The following PIEZO2 variants were observed in gnomAD, a reference collection of about 807,000 sequenced individuals.
PIEZO2 encodes piezo-type mechanosensitive ion channel component 2.
Under a neutral mutation model 337.3 loss-of-function variants are expected in PIEZO2, and 172 were observed. The observed-to-expected ratio is 0.51, with a 90% CI of 0.45 to 0.58. The LOEUF (loss-of-function observed/expected upper bound fraction) is 0.58. PIEZO2 is among the 20% of genes least tolerant of loss of function. The probability of loss-of-function intolerance (pLI) is 0.00; values close to 1 mark genes in which losing one functional copy is unlikely to be tolerated. For missense variants in PIEZO2, 3,028 were observed against 3,391.3 expected (o/e 0.89, Z 2.66); for synonymous variants, 1,251 against 1,228.5 (o/e 1.02, Z -0.38).
intron 1 of PIEZO2, among the ~76,000 whole-genome samples, chr18:11,145,360 GA>G (rs34507840): frequency 3.0e-4 from 45 of 151,746 alleles, no homozygotes; most frequent in African/African-American, 5.1e-4. Context: ...TACGGAAAAA[GA>G]AAAAAAATCT....
intron 1 of PIEZO2, among the ~76,000 whole-genome samples, chr18:11,137,562 T>C (rs773108973): frequency 7.9e-5 from 12 of 152,184 alleles, no homozygotes; most frequent in Admixed American, 2.0e-4. Context: ...CGTTAGACCT[T>C]CAAACCTGGG....
chr18:10,825,975 T>A (rs2040664893), intron 7 of PIEZO2, among the ~76,000 whole-genome samples: 1 of 152,212 alleles, frequency 6.6e-6, no homozygotes, highest in Admixed American at 6.5e-5. Context: ...TATCTCCCAT[T>A]TATTCATTCA....
At chr18:10,826,084 TCTTTGACCACTACC>T (rs2040668919) in intron 7 of PIEZO2, among the ~76,000 whole-genome samples, 1 of 152,172 alleles carries the variant, frequency 6.6e-6, no homozygotes, top group Non-Finnish European at 1.5e-5. Context: ...AATTATTCCA[TCTTTGACCACTACC>T]CTGACCTAAC....
intron 49 of PIEZO2, among the ~76,000 whole-genome samples, chr18:10,683,956 G>A (rs927667642): frequency 2.0e-5 from 3 of 151,978 alleles, no homozygotes; most frequent in African/African-American, 4.8e-5. Flanking sequence ...CTTTCCAGGG[G>A]ACAACAGGGG....
intron 2 of PIEZO2, among the ~76,000 whole-genome samples, chr18:11,039,422 C>T (rs999544885): frequency 3.3e-5 from 5 of 152,172 alleles, no homozygotes; most frequent in Admixed American, 2.6e-4. Context: ...CTTAAACTAG[C>T]CTGCTTTGGC....
intron 3 of PIEZO2, among the ~76,000 whole-genome samples, chr18:10,972,172 CAAAA>C (rs71169963): frequency 4.4e-5 from 4 of 90,472 alleles, no homozygotes; most frequent in Non-Finnish European, 2.2e-5. Context: ...GACTCCGCCT[CAAAA>C]AAAAAAAAAA....
At chr18:10,883,596 T>C (rs1013576133) in intron 4 of PIEZO2, among the ~76,000 whole-genome samples, 1 of 152,178 alleles carries the variant, frequency 6.6e-6, no homozygotes, top group Non-Finnish European at 1.5e-5. Flanking sequence ...CACATACTTA[T>C]CTTCTTTTCA....
intron 40 of PIEZO2, among the ~76,000 whole-genome samples, chr18:10,706,386 G>A (rs1198553581): frequency 1.3e-5 from 2 of 151,780 alleles, no homozygotes; most frequent in Admixed American, 6.6e-5. Flanking sequence ...CTCCACCCTC[G>A]TCCCAGCTCC....
chr18:10,733,251 A>G (rs1266119169), intron 35 of PIEZO2, among the ~76,000 whole-genome samples: 2 of 152,152 alleles, frequency 1.3e-5, no homozygotes, highest in African/African-American at 4.8e-5. Context: ...AACTGGGGAA[A>G]ACGGAGAGAG....
At chr18:10,852,451 C>A (rs1181308378) in intron 7 of PIEZO2, among the ~76,000 whole-genome samples, 2 of 152,124 alleles carry the variant, frequency 1.3e-5, no homozygotes, top group Non-Finnish European at 2.9e-5. Context: ...GAATAGCTCT[C>A]TATAGCATGT....
rs1235753000 is a variant in PIEZO2 at position 10,750,235 on chromosome 18, A to T, written c.4168-48T>A. 3 of 1,394,730 alleles carry T rather than the reference A, an allele frequency of 2.2e-6. No homozygotes were observed. The African/African-American group carries it at 4.3e-5, about 20-fold the overall frequency. The allele number at this position is 1,394,730 out of a possible 1,614,324, so 86.4% of individuals were successfully genotyped here. ...AATCCTGAAGCTCTGCAGCCAGAAAAAAAAGTGGTGTTTTATGATCCCAAC... is the reference window on the plus strand; with the variant it reads ...AATCCTGAAGCTCTGCAGCCAGAAATAAAAGTGGTGTTTTATGATCCCAAC... On this transcript the variant is annotated intron_variant, in intron 28 of 55. Transcript: ENST00000674853. The surrounding 1 kb of genome is among the most constrained non-coding windows in gnomAD (Gnocchi z 4.1).
intron 47 of PIEZO2, among the ~76,000 whole-genome samples, chr18:10,694,647 A>C (rs1190862625): frequency 1.3e-5 from 2 of 152,190 alleles, no homozygotes; most frequent in Non-Finnish European, 2.9e-5. Flanking sequence ...CCTGGGTAAC[A>C]TAATGAGACC....
At chr18:11,114,652 G>A (rs1033415206) in intron 1 of PIEZO2, among the ~76,000 whole-genome samples, 1 of 150,756 alleles carries the variant, frequency 6.6e-6, no homozygotes, top group Non-Finnish European at 1.5e-5. Context: ...GCAACAGAGG[G>A]AGACTCTGTC....
At chr18:10,779,590 T>C (rs558856665) in intron 18 of PIEZO2, among the ~76,000 whole-genome samples, 8 of 152,348 alleles carry the variant, frequency 5.3e-5, no homozygotes, top group African/African-American at 1.9e-4. Context: ...TGCAAACATA[T>C]GAAATCTGGT....
At chr18:10,791,014 A>AT (rs2039394407) in intron 14 of PIEZO2, among the ~76,000 whole-genome samples, 187 bp downstream of exon 14, 1 of 152,156 alleles carries the variant, frequency 6.6e-6, no homozygotes, top group African/African-American at 2.4e-5. Flanking sequence ...CAACTGGCAC[A>AT]TTTTTAGCAC....
chr18:11,107,290 A>G (rs946728167), intron 1 of PIEZO2, among the ~76,000 whole-genome samples: 5 of 152,258 alleles, frequency 3.3e-5, no homozygotes, highest in African/African-American at 1.2e-4. Flanking sequence ...ACTTTAAAAT[A>G]TCATGATAAG....
rs779810971 is a variant in PIEZO2, at chr18:11,066,107, C to T, written c.160+20G>A. 4.1e-5 allele frequency: 61 copies of T among 1,505,718 alleles called. No individual in the cohort carries two copies. The highest frequency in any genetic ancestry group is 2.6e-4 in the Admixed American group (13 of 50,916). The allele number at this position is 1,505,718 out of a possible 1,614,324, so 93.3% of individuals were successfully genotyped here. ...TCAGACTGTATAACTCTGTGGTATACGATAACAAAATTCTCTTACCTTGCA... is the reference window on the plus strand; with the variant it reads ...TCAGACTGTATAACTCTGTGGTATATGATAACAAAATTCTCTTACCTTGCA... On this transcript the variant is annotated intron_variant, in intron 2 of 55. Coordinates refer to ENST00000674853, the MANE Select transcript of PIEZO2 (RefSeq NM_001378183.1).
At chr18:10,753,040 T>C (rs1011849826) in intron 27 of PIEZO2, among the ~76,000 whole-genome samples, 161 bp from the exon 28 acceptor site, 3 of 152,178 alleles carry the variant, frequency 2.0e-5, no homozygotes, top group African/African-American at 7.2e-5. Flanking sequence ...AACCCTCAAA[T>C]AGTTAGTAAT....
At chr18:10,842,213 AC>A (rs1457718470) in intron 7 of PIEZO2, among the ~76,000 whole-genome samples, 1 of 150,316 alleles carries the variant, frequency 6.7e-6, no homozygotes, top group Non-Finnish European at 1.5e-5. Flanking sequence ...TTTTGCCATT[AC>A]TTTTAATGGC....
Sources: gnomAD v4.1 joint callset for allele counts (sites outside exome capture counted in the v4.1 genomes callset) on GRCh38, gnomAD v4.1.1 for gene constraint, Gnocchi (gnomAD v3.1) non-coding constraint, MANE v1.5 for transcripts, NCBI Gene and HGNC (gene_info 2026-07-23, HGNC 2026-07-21) for gene names.